The following FAAH2 variants were observed in gnomAD, a reference collection of about 807,000 sequenced individuals.
FAAH2 encodes the protein fatty-acid amide hydrolase 2.
Under a neutral mutation model 36.9 loss-of-function variants are expected in FAAH2, and 60 were observed. The ratio of observed to expected loss-of-function variants is 1.63; its 90% CI spans 1.32 to 2.02. The LOEUF (loss-of-function observed/expected upper bound fraction) is 2.02, where lower values mean the gene tolerates loss of function less well. FAAH2 is among the 30% of genes most tolerant of loss of function. The pLI is 0.00. For synonymous variants in FAAH2, 214 were observed against 143.8 expected (o/e 1.49, Z -3.49); for missense variants, 689 against 397.5 (o/e 1.73, Z -6.23).
At chrX:57,153,200 G>A in the FAAH2 span, among the ~76,000 whole-genome samples, 1 of 111,663 alleles carries the variant, frequency 9.0e-6, no homozygotes, top group African/African-American at 3.3e-5. Flanking sequence ...CTTGCTTTTG[G>A]TGTCTATTTG....
intron 2 of FAAH2, among the ~76,000 whole-genome samples, chrX:57,299,082 G>A (rs1175151746): frequency 4.5e-5 from 5 of 111,366 alleles, no homozygotes; most frequent in Non-Finnish European, 9.4e-5. Flanking sequence ...GAAAAATAGG[G>A]AATCCTCCCT....
the FAAH2 span, among the ~76,000 whole-genome samples, chrX:57,201,286 G>A: frequency 9.1e-6 from 1 of 110,337 alleles, no homozygotes; most frequent in East Asian, 2.9e-4. Flanking sequence ...TAATGTGTTG[G>A]TGGGCACCTG....
At chrX:57,190,781 A>G in the FAAH2 span, among the ~76,000 whole-genome samples, 4 of 109,707 alleles carry the variant, frequency 3.6e-5, no homozygotes, top group Non-Finnish European at 5.7e-5. Flanking sequence ...GGGAATGCAG[A>G]AATCACCCAC....
intron 7 of FAAH2, among the ~76,000 whole-genome samples, chrX:57,423,483 C>T (rs1208487828): frequency 6.3e-5 from 7 of 111,604 alleles, no homozygotes; most frequent in African/African-American, 2.3e-4. Flanking sequence ...GTTTGTGTCT[C>T]GTCTGGCTGT....
chrX:57,333,854 G>A (rs149136141), intron 4 of FAAH2, among the ~76,000 whole-genome samples: 332 of 111,657 alleles, frequency 3.0e-3, no homozygotes, highest in Middle Eastern at 9.3e-3. Flanking sequence ...AGCAATAAAT[G>A]TTTGAAAAAA....
At chrX:57,135,648 T>G in the FAAH2 span, 9 of 1,017,130 alleles carry the variant, frequency 8.8e-6, no homozygotes, top group Admixed American at 2.3e-4. Flanking sequence ...ACAGACAGCA[T>G]GTCATGTATT....
chrX:57,310,858 GA>G, intron 3 of FAAH2, 129 bp downstream of exon 3: 1 of 719,896 alleles, frequency 1.4e-6, no homozygotes, highest in Non-Finnish European at 1.9e-6. Flanking sequence ...TTTGAAATGA[GA>G]GGAAATATTC....
intron 3 of FAAH2, among the ~76,000 whole-genome samples, chrX:57,325,103 G>T (rs1445089277): frequency 8.9e-6 from 1 of 112,036 alleles, no homozygotes; most frequent in Non-Finnish European, 1.9e-5. Flanking sequence ...TAATCAAATG[G>T]TTTTTGTTGT....
chrX:57,452,356 AC>A, intron 10 of FAAH2: 1 of 745,496 alleles, frequency 1.3e-6, no homozygotes, highest in South Asian at 6.8e-5. Flanking sequence ...TCCCTCTTGT[AC>A]CCATGCCAGT....
chrX:57,487,533 A>G (rs1390397862), intron 10 of FAAH2, among the ~76,000 whole-genome samples: 1 of 111,909 alleles, frequency 8.9e-6, no homozygotes, highest in Non-Finnish European at 1.9e-5. Flanking sequence ...AATGGTCAAT[A>G]TAATTACTCA....
chrX:57,378,318 C>T (rs1210954747), intron 5 of FAAH2, among the ~76,000 whole-genome samples: 1 of 111,502 alleles, frequency 9.0e-6, no homozygotes, highest in Admixed American at 9.6e-5. Flanking sequence ...TGTATTCTAA[C>T]TAGTCCTTTT....
chrX:57,242,890 G>A, the FAAH2 span, among the ~76,000 whole-genome samples: 2 of 111,970 alleles, frequency 1.8e-5, no homozygotes, highest in African/African-American at 3.2e-5. Context: ...AGTGACGCCT[G>A]GAATGCCAGT....
the FAAH2 span, among the ~76,000 whole-genome samples, chrX:57,214,724 T>C: frequency 1.8e-5 from 2 of 111,646 alleles, no homozygotes; most frequent in African/African-American, 6.5e-5. Context: ...CTCCAAACTA[T>C]CCCTATTATG....
chrX:57,449,467 G>A (rs1312005151), intron 10 of FAAH2, among the ~76,000 whole-genome samples: 2 of 112,190 alleles, frequency 1.8e-5, no homozygotes, highest in African/African-American at 6.5e-5. Flanking sequence ...TATCTAGGAA[G>A]TCAGGGTAAT....
chrX:57,380,815 A>G (rs970821251), intron 6 of FAAH2, 97 bp from the exon 7 acceptor site: 5 of 516,522 alleles, frequency 9.7e-6, no homozygotes, highest in African/African-American at 2.4e-5. Flanking sequence ...TCAGGGAAAA[A>G]AATACTTCAT....
intron 5 of FAAH2, among the ~76,000 whole-genome samples, chrX:57,370,959 T>C (rs2054535580): frequency 9.0e-6 from 1 of 111,642 alleles, no homozygotes; most frequent in African/African-American, 3.3e-5. Context: ...GACCAAATGG[T>C]ACTAATAGAC....
the FAAH2 span, among the ~76,000 whole-genome samples, chrX:57,200,152 T>C: frequency 1.2e-4 from 13 of 110,645 alleles, no homozygotes; most frequent in African/African-American, 4.3e-4. Context: ...TATCTTCTCT[T>C]CCTTCTTTTT....
chrX:57,169,869 A>AACACACAC, the FAAH2 span, among the ~76,000 whole-genome samples: 2 of 101,681 alleles, frequency 2.0e-5, no homozygotes, highest in African/African-American at 3.5e-5. Context: ...TCTCCTTCTA[A>AACACACAC]ACACACACAC....
intron 5 of FAAH2, among the ~76,000 whole-genome samples, chrX:57,361,059 C>T (rs1279459770): frequency 9.0e-6 from 1 of 111,294 alleles, no homozygotes; most frequent in Non-Finnish European, 1.9e-5. Flanking sequence ...ACCACATTTT[C>T]TTTATCCAGT....
Sources: allele counts gnomAD v4.1 joint callset (sites outside exome capture counted in the v4.1 genomes callset), GRCh38; gene constraint gnomAD v4.1.1; transcripts MANE v1.5; gene names NCBI Gene and HGNC (gene_info 2026-07-23, HGNC 2026-07-21).